Variants in GLDC observed in about 807,000 individuals in gnomAD.
The protein encoded by GLDC is glycine dehydrogenase (decarboxylating), mitochondrial.
In GLDC, 104 loss-of-function variants were observed where a neutral mutation model predicts 121.3. That is an observed-to-expected ratio of 0.86 (90% CI 0.73 to 1.01). The LOEUF is 1.01. Among genes scored for constraint, GLDC ranks in the 50% least tolerant of loss-of-function variants. The probability of loss-of-function intolerance (pLI) is 0.00; values close to 1 mark genes in which losing one functional copy is unlikely to be tolerated. For synonymous variants in GLDC, 546 were observed against 480.6 expected, an observed-to-expected ratio of 1.14 and a Z score of -1.78; for missense variants, 1,429 against 1,306.6, an observed-to-expected ratio of 1.09 and a Z score of -1.44.
At chr9:6,540,394 T>C (rs781779586) in intron 21 of GLDC, 5 of 478,780 alleles carry the variant, frequency 1.0e-5, no homozygotes, top group African/African-American at 3.9e-5. Context: ...CCTGTGAACC[T>C]GATTATGGCT....
At chr9:6,639,668 A>AAAAAAAATATAT in intron 2 of GLDC, 14 of 250,572 alleles carry the variant, frequency 5.6e-5, no homozygotes, top group Non-Finnish European at 6.4e-5. Flanking sequence ...ATAAAAAAAA[A>AAAAAAAATATAT]GTATATATAT....
intron 2 of GLDC, among the ~76,000 whole-genome samples, chr9:6,637,015 C>G (rs34407041): frequency 4.0e-4 from 61 of 151,578 alleles, no homozygotes; most frequent in South Asian, 1.7e-3. Context: ...ACCCAGGAGG[C>G]GGAGGTTGCA....
chr9:6,645,410 C>G lies in GLDC; in HGVS notation c.90G>C (p.Trp30Cys). Residue 30 changes from tryptophan (W) to cysteine (C), a missense_variant, in exon 1 of 25, where the codon TGG becomes TGC. Trp to Cys is a radical substitution (Grantham distance 215). Transcript: ENST00000321612. Reference sequence around the variant, plus strand: ...TGCTGCTGTCCCGGCTCCGCGGCGCCCAGCACGGCCCCGATCCCCCAGCCA... The same window carrying G: ...TGCTGCTGTCCCGGCTCCGCGGCGCGCAGCACGGCCCCGATCCCCCAGCCA... ...RRLAGGSGPC[W>C]APRSRDSSSG... 1 of 1,412,466 alleles carries G rather than the reference C, an allele frequency of 7.1e-7. No individual in the cohort carries two copies. The highest frequency in any genetic ancestry group is 1.5e-5 in the African/African-American group (1 of 67,554). 87.5% of individuals were successfully genotyped at this position (1,412,466 alleles called of 1,614,324 possible).
chr9:6,601,017 G>T (rs112340876), intron 8 of GLDC, among the ~76,000 whole-genome samples: 243 of 152,154 alleles, frequency 1.6e-3, no homozygotes, highest in African/African-American at 5.6e-3. Flanking sequence ...TACTAAAAAT[G>T]CAAAAACTAG....
chr9:6,567,401 G>C lies in GLDC; in HGVS notation c.1851-1972C>G, dbSNP rs951226523. Reference sequence around the variant, plus strand: ...AGTAACTTCATCTCCCTGTGCCTATGTGCCTGAGAGATGTGTAAAATGGGG... The same window carrying C: ...AGTAACTTCATCTCCCTGTGCCTATCTGCCTGAGAGATGTGTAAAATGGGG... On this transcript the variant is annotated intron_variant, in intron 15 of 24. Transcript: ENST00000321612. 4 of 152,216 alleles carry C rather than the reference G, an allele frequency of 2.6e-5. No individual in the cohort carries two copies. In the East Asian group the frequency reaches 7.7e-4, roughly 29 times the overall value. The allele number at this position is 152,216 out of a possible 1,614,324, so 9.4% of individuals were successfully genotyped here. A position where few individuals can be genotyped will look rare whatever the true frequency, so the allele number is the denominator to read the frequency against.
At chr9:6,554,543 C>G (rs992756728) in intron 19 of GLDC, 126 bp downstream of exon 19, 1 of 757,502 alleles carries the variant, frequency 1.3e-6, no homozygotes, top group Admixed American at 2.0e-5. Flanking sequence ...CCAGCCCCTA[C>G]AAGTGCACTA....
intron 2 of GLDC, among the ~76,000 whole-genome samples, chr9:6,624,722 T>A (rs1819195641): frequency 6.6e-6 from 1 of 152,048 alleles, no homozygotes; most frequent in Non-Finnish European, 1.5e-5. Flanking sequence ...CACGGTGGCT[T>A]ACACCTGTAA....
chr9:6,561,919 C>T (rs1817767291), intron 16 of GLDC, among the ~76,000 whole-genome samples: 1 of 152,142 alleles, frequency 6.6e-6, no homozygotes, highest in South Asian at 2.1e-4. Flanking sequence ...AAGGCCACTA[C>T]TTTGTCTCAG....
chr9:6,564,406 G>A (rs543395065), intron 16 of GLDC, among the ~76,000 whole-genome samples: 14 of 152,198 alleles, frequency 9.2e-5, no homozygotes, highest in African/African-American at 3.4e-4. Flanking sequence ...ATTCTTTATT[G>A]CAAATTCCAG....
rs768940776 is a variant in GLDC at position 6,600,189 on chromosome 9, C to A, written c.1155+1920G>T. ...GACCAACCTGAGCAACAAAGTGAGACCTCGCCTCTACAAAACATTTTTTTG... is the reference window on the plus strand; with the variant it reads ...GACCAACCTGAGCAACAAAGTGAGAACTCGCCTCTACAAAACATTTTTTTG... On this transcript the variant is annotated intron_variant, in intron 8 of 24. Transcript: ENST00000321612. 4.7e-4 allele frequency among the ~76,000 whole-genome samples: 72 copies of A among 152,202 alleles called. No individual in the cohort carries two copies. In the Middle Eastern group the frequency reaches 0.014, roughly 29 times the overall value.
At chr9:6,566,983 C>T (rs978482754) in intron 15 of GLDC, among the ~76,000 whole-genome samples, 3 of 152,146 alleles carry the variant, frequency 2.0e-5, no homozygotes, top group Non-Finnish European at 2.9e-5. Flanking sequence ...GCCTGCCTCC[C>T]AGAGCTACGG....
At chr9:6,603,775 A>G (rs78452982) in intron 7 of GLDC, among the ~76,000 whole-genome samples, 1,866 of 149,852 alleles carry the variant, frequency 0.012, 103 homozygotes, top group Admixed American at 0.093. Flanking sequence ...CTGCACCCAA[A>G]CTGGAGTGAG....
chr9:6,635,299 T>C (rs1206473769), intron 2 of GLDC, among the ~76,000 whole-genome samples: 1 of 152,196 alleles, frequency 6.6e-6, no homozygotes, highest in Non-Finnish European at 1.5e-5. Context: ...GAGGAAGCTG[T>C]AGAAGGAGAT....
At chr9:6,622,945 G>A in intron 2 of GLDC, 1 of 204,622 alleles carries the variant, frequency 4.9e-6, no homozygotes, top group South Asian at 6.2e-5. Flanking sequence ...CCCCGTCTGG[G>A]AGGTGAGGAA....
chr9:6,603,608 A>G (rs986394647), intron 7 of GLDC, among the ~76,000 whole-genome samples: 5 of 152,302 alleles, frequency 3.3e-5, no homozygotes, highest in Non-Finnish European at 5.9e-5. Context: ...TGACTAATTC[A>G]GCTTACTCAC....
chr9:6,587,423 A>T, intron 14 of GLDC, 140 bp from the exon 15 acceptor site: 2 of 689,546 alleles, frequency 2.9e-6, no homozygotes, highest in Non-Finnish European at 5.1e-6. Context: ...AATTTATTTA[A>T]GTTCCACCAC....
At chr9:6,645,146 G>A (rs1012299517) in intron 1 of GLDC, 99 bp downstream of exon 1, 1 of 1,245,724 alleles carries the variant, frequency 8.0e-7, no homozygotes, top group Non-Finnish European at 1.1e-6. Context: ...GGGACCACGC[G>A]GAGCGCAGCA....
rs748248885 is a variant in GLDC, at chr9:6,620,289, G to A, written c.365C>T (p.Ala122Val). 1.9e-6 allele frequency: 3 copies of A among 1,613,176 alleles called. No homozygotes were observed. Among genetic ancestry groups the A allele is most frequent in the Admixed American group, 1.7e-5 (1 of 60,020 alleles). Residue 122 changes from alanine (A) to valine (V), a missense_variant, in exon 3 of 25, where the codon GCC becomes GTC. Transcript: ENST00000321612. ...CENEILATLH[A>V]ISSKNQIWRS... The stretch of plus-strand genomic sequence containing the variant: ...CCAGATCTGGTTTTTGCTTGAAATG[G>A]CATGCAGAGTTGCAAGGATTTCATT...
intron 2 of GLDC, among the ~76,000 whole-genome samples, chr9:6,622,234 A>C (rs1179139954): frequency 6.6e-6 from 1 of 151,410 alleles, no homozygotes; most frequent in African/African-American, 2.4e-5. Context: ...TTCACAAGAG[A>C]TATGGTCCCC....
Sources: allele counts gnomAD v4.1 joint callset (sites outside exome capture counted in the v4.1 genomes callset), GRCh38; gene constraint gnomAD v4.1.1; transcripts MANE v1.5; gene names NCBI Gene and HGNC (gene_info 2026-07-23, HGNC 2026-07-21).